DNMT3A: variants seen among roughly 807,000 people sequenced by gnomAD.
DNMT3A encodes the protein DNA methyltransferase 3 alpha.
DNMT3A carries 267 observed loss-of-function variants against 117.6 expected under a neutral mutation model. The ratio of observed to expected loss-of-function variants is 2.27; its 90% CI spans 2.05 to 2.51. The LOEUF is 2.51. Among genes scored for constraint, DNMT3A ranks in the 30% most tolerant of loss-of-function variants. DNMT3A has a pLI of 0.00. For missense variants in DNMT3A, 1,029 were observed against 1,260.2 expected (o/e 0.82, Z 2.78); for synonymous variants, 432 against 474.8 (o/e 0.91, Z 1.17).
At chr2:25,244,064 C>CCTAGA in intron 15 of DNMT3A, 82 bp from the exon 16 acceptor site, 1 of 1,588,600 alleles carries the variant, frequency 6.3e-7, no homozygotes, top group Non-Finnish European at 8.6e-7. Flanking sequence ...CAGCCAGGCT[C>CCTAGA]CTAGACCCAC....
At chr2:25,274,876 G>T in intron 6 of DNMT3A, 65 bp downstream of exon 6, 1 of 1,557,076 alleles carries the variant, frequency 6.4e-7, no homozygotes. Context: ...GGAAACTGAG[G>T]CCCATCACTT....
Position 25,244,272 on chromosome 2 carries a change from T to C in DNMT3A, c.1734A>G (p.Glu578=), listed in dbSNP as rs1484141511. The C allele has an allele frequency of 6.2e-7, 1 of 1,613,678 alleles. No individual in the cohort carries two copies. The highest frequency in any genetic ancestry group is 2.2e-5 in the East Asian group (1 of 44,874). The change falls in exon 15 of 23, where the codon GAA becomes GAG. Residue 578 remains glutamate, a synonymous_variant. Coordinates refer to ENST00000321117, the MANE Select transcript of DNMT3A (RefSeq NM_022552.5). ...CGCACATGTAGCAGTTCCAGGGGTC[T>C]TCCTTAATGGCTGCCTGGGCAGCCC... The part of the protein sequence containing the change: ...GPGAAQAAIK[E]DPWNCYMCGH...
chr2:25,333,390 C>T (rs1159546575), intron 1 of DNMT3A, among the ~76,000 whole-genome samples: 7 of 151,392 alleles, frequency 4.6e-5, no homozygotes, highest in East Asian at 1.9e-4. Context: ...AGTGCAGTGG[C>T]GCGATCTCGG....
Position 25,236,556 on chromosome 2 carries a change from T to C in DNMT3A, c.2478+380A>G, listed in dbSNP as rs539446026. ...CTGACACAGAACCCAGTGCCCCAGGTAGTCACTCCGGGAGATTCCAGCTCC... is the reference window on the plus strand; with the variant it reads ...CTGACACAGAACCCAGTGCCCCAGGCAGTCACTCCGGGAGATTCCAGCTCC... On this transcript the variant is annotated intron_variant, in intron 21 of 22. Coordinates refer to ENST00000321117, the MANE Select transcript of DNMT3A (RefSeq NM_022552.5). The surrounding 1 kb of genome is among the most constrained non-coding windows in gnomAD (Gnocchi z 4.5). 2.0e-5 allele frequency among the ~76,000 whole-genome samples: 3 copies of C among 152,258 alleles called. No homozygotes were observed. The highest frequency in any genetic ancestry group is 2.9e-5 in the Non-Finnish European group (2 of 68,014).
chr2:25,327,420 T>G lies in DNMT3A; in HGVS notation c.-177-13259A>C, dbSNP rs1207847249. Among the ~76,000 whole-genome samples the G allele has an allele frequency of 6.6e-6, 1 of 152,048 alleles. No homozygotes were observed. Among genetic ancestry groups the G allele is most frequent in the Non-Finnish European group, 1.5e-5 (1 of 68,020 alleles). On this transcript the variant is annotated intron_variant, in intron 1 of 22. Coordinates refer to ENST00000321117, the MANE Select transcript of DNMT3A (RefSeq NM_022552.5). The surrounding 1 kb of genome is among the most constrained non-coding windows in gnomAD (Gnocchi z 4.1). The stretch of plus-strand genomic sequence containing the variant: ...ACTCACTCAACAGCCATTTCTTGAG[T>G]GCCATTGTGGAGCCGGGCCCTGGAG...
At chr2:25,308,786 C>T (rs1419705621) in intron 2 of DNMT3A, among the ~76,000 whole-genome samples, 2 of 152,142 alleles carry the variant, frequency 1.3e-5, no homozygotes, top group Non-Finnish European at 2.9e-5. Flanking sequence ...TGACAGACCG[C>T]GGGCAGCAAG....
rs553935225 is a variant in DNMT3A, at chr2:25,293,054, C to G, written c.177+7085G>C. Among the ~76,000 whole-genome samples the G allele has an allele frequency of 1.9e-4, 29 of 152,226 alleles. No homozygotes were observed. In the South Asian group the frequency reaches 5.6e-3, roughly 29 times the overall value. On this transcript the variant is annotated intron_variant, in intron 3 of 22. Coordinates refer to ENST00000321117, the MANE Select transcript of DNMT3A (RefSeq NM_022552.5). This position sits in a 1 kb window ranked among gnomAD's most constrained non-coding sequence, Gnocchi z 4.7. ...ATTCTGAGATTCTACTTAAATGCTC[C>G]CCAAGTAAGACCAGCTATGTAAGGT... is the stretch of plus-strand genomic sequence containing the variant.
chr2:25,287,264 C>A (rs2032379963), intron 3 of DNMT3A, among the ~76,000 whole-genome samples: 1 of 151,958 alleles, frequency 6.6e-6, no homozygotes, highest in Non-Finnish European at 1.5e-5. Context: ...CTGCAGGTGA[C>A]AATTTCAGAA....
chr2:25,262,448 T>C (rs1676700179), intron 6 of DNMT3A, among the ~76,000 whole-genome samples: 1 of 152,204 alleles, frequency 6.6e-6, no homozygotes, highest in South Asian at 2.1e-4. Flanking sequence ...TGTATCATCC[T>C]GCCTCAAACC....
At chr2:25,336,007 G>A (rs1470191980) in intron 1 of DNMT3A, among the ~76,000 whole-genome samples, 1 of 151,626 alleles carries the variant, frequency 6.6e-6, no homozygotes, top group African/African-American at 2.4e-5. Flanking sequence ...GAAAGCCCCA[G>A]GCGTCTGCAC....
rs189817198 is a variant in DNMT3A, at chr2:25,267,209, G to A, written c.639+7732C>T. Among the ~76,000 whole-genome samples, 72 of 152,228 alleles carry A rather than the reference G, an allele frequency of 4.7e-4. 1 individual carries two copies. The highest frequency in any genetic ancestry group is 8.2e-4 in the Non-Finnish European group (56 of 68,022). Reference sequence around the variant, plus strand: ...CTGAAGCAAAATTATATATTTACACGCATACACACGGATAGGAAAAAATCA... The same window carrying A: ...CTGAAGCAAAATTATATATTTACACACATACACACGGATAGGAAAAAATCA... On this transcript the variant is annotated intron_variant, in intron 6 of 22. Coordinates refer to ENST00000321117, the MANE Select transcript of DNMT3A (RefSeq NM_022552.5).
At chr2:25,238,529 C>A (rs114232063) in intron 20 of DNMT3A, among the ~76,000 whole-genome samples, 8 of 152,162 alleles carry the variant, frequency 5.3e-5, no homozygotes, top group Admixed American at 2.6e-4. Flanking sequence ...CAATTTATTT[C>A]GCCTAAAAAG....
At chr2:25,322,238 A>G (rs1372219347) in intron 1 of DNMT3A, among the ~76,000 whole-genome samples, 1 of 152,192 alleles carries the variant, frequency 6.6e-6, no homozygotes, top group Non-Finnish European at 1.5e-5. Flanking sequence ...ATTTTTAAAC[A>G]GAGAGAGTGG....
At chr2:25,255,170 C>T (rs1676005886) in intron 6 of DNMT3A, among the ~76,000 whole-genome samples, 1 of 152,170 alleles carries the variant, frequency 6.6e-6, no homozygotes, top group Non-Finnish European at 1.5e-5. Flanking sequence ...GTGGTCAATG[C>T]ACAGTCAGAC....
intron 5 of DNMT3A, 61 bp from the exon 6 acceptor site, chr2:25,275,148 G>A (rs1280991007): frequency 6.7e-6 from 10 of 1,491,752 alleles, no homozygotes; most frequent in Middle Eastern, 3.5e-4. Context: ...CACCAAGGAG[G>A]CACTCGCCTC....
chr2:25,284,608 C>G (rs913824007), intron 3 of DNMT3A, among the ~76,000 whole-genome samples: 1 of 123,878 alleles, frequency 8.1e-6, no homozygotes, highest in Non-Finnish European at 1.6e-5. Flanking sequence ...AACTGCTCCA[C>G]TGCACTCCAG....
intron 3 of DNMT3A, among the ~76,000 whole-genome samples, chr2:25,291,635 G>A (rs989712908): frequency 1.3e-5 from 2 of 152,228 alleles, no homozygotes; most frequent in African/African-American, 4.8e-5. Context: ...TCCCAGCCTG[G>A]GCACCCCCTC....
chr2:25,315,735 C>T (rs1383469319), intron 1 of DNMT3A, among the ~76,000 whole-genome samples: 1 of 152,174 alleles, frequency 6.6e-6, no homozygotes, highest in African/African-American at 2.4e-5. Context: ...GTTCACGTCC[C>T]CCAACACACA....
At chr2:25,334,054 T>C (rs567754530) in intron 1 of DNMT3A, among the ~76,000 whole-genome samples, 1 of 152,354 alleles carries the variant, frequency 6.6e-6, no homozygotes, top group South Asian at 2.1e-4. Flanking sequence ...GGTCCTTTTA[T>C]GTCTGTTCCT....
Sources: allele counts gnomAD v4.1 joint callset (sites outside exome capture counted in the v4.1 genomes callset), GRCh38; gene constraint gnomAD v4.1.1; non-coding constraint Gnocchi (gnomAD v3.1); transcripts MANE v1.5; gene names NCBI Gene and HGNC (gene_info 2026-07-23, HGNC 2026-07-21).